Variants in TRAPPC9 observed in about 807,000 individuals in gnomAD.
TRAPPC9 encodes the protein IKK2 binding protein.
Under a neutral mutation model 124.0 loss-of-function variants are expected in TRAPPC9, and 83 were observed. The ratio of observed to expected loss-of-function variants is 0.67; its 90% CI spans 0.56 to 0.80. TRAPPC9 has a LOEUF of 0.80. Ranked by LOEUF, TRAPPC9 falls within the 30% of genes least tolerant of loss-of-function variation. The pLI is 0.00. For missense variants in TRAPPC9, 1,302 were observed against 1,508.3 expected (o/e 0.86, Z 2.27); for synonymous variants, 638 against 617.5 (o/e 1.03, Z -0.49).
intron 9 of TRAPPC9, among the ~76,000 whole-genome samples, chr8:140,332,916 C>T (rs935586097): frequency 6.6e-6 from 1 of 152,064 alleles, no homozygotes; most frequent in African/African-American, 2.4e-5. Context: ...GGGAGGATCA[C>T]GAGTTCAAGA....
intron 19 of TRAPPC9, among the ~76,000 whole-genome samples, chr8:139,973,615 C>T (rs567672618): frequency 3.2e-4 from 49 of 152,330 alleles, no homozygotes; most frequent in Admixed American, 5.9e-4. Context: ...AATTGGAAAA[C>T]GACGAATGAA....
rs138665808 is a variant in TRAPPC9 at position 140,135,588 on chromosome 8, T to A, written c.2556+85871A>T. 1.9e-3 allele frequency among the ~76,000 whole-genome samples: 286 copies of A among 152,072 alleles called. 1 individual carries two copies. The highest frequency in any genetic ancestry group is 6.5e-3 in the African/African-American group (271 of 41,458). ...TACTGAATCATCTAGAATAGGCAAATCCATAGAGACAGAAAGTAGATTAGA... is the reference window on the plus strand; with the variant it reads ...TACTGAATCATCTAGAATAGGCAAAACCATAGAGACAGAAAGTAGATTAGA... On this transcript the variant is annotated intron_variant, in intron 17 of 22. Transcript: ENST00000438773.
intron 7 of TRAPPC9, among the ~76,000 whole-genome samples, chr8:140,388,195 G>A (rs1341600728): frequency 2.7e-5 from 4 of 145,788 alleles, no homozygotes; most frequent in African/African-American, 7.8e-5. Flanking sequence ...GACACAGGAA[G>A]GGGAACATCA....
At chr8:139,986,416 A>G (rs1837242811) in intron 19 of TRAPPC9, among the ~76,000 whole-genome samples, 1 of 152,226 alleles carries the variant, frequency 6.6e-6, no homozygotes, top group Admixed American at 6.5e-5. Flanking sequence ...AGGTGGGCAG[A>G]AAAGAAGAGC....
At chr8:140,077,869 A>G (rs1415914720) in intron 17 of TRAPPC9, among the ~76,000 whole-genome samples, 2 of 152,166 alleles carry the variant, frequency 1.3e-5, no homozygotes, top group Non-Finnish European at 2.9e-5. Flanking sequence ...GGAGATGGAA[A>G]AGGCTGCGTG....
At chr8:140,124,629 A>C (rs1157367457) in intron 17 of TRAPPC9, among the ~76,000 whole-genome samples, 1 of 152,046 alleles carries the variant, frequency 6.6e-6, no homozygotes, top group African/African-American at 2.4e-5. Context: ...GCAAATCACA[A>C]ACCCAAGCCT....
chr8:140,300,795 A>G lies in TRAPPC9; in HGVS notation c.1623-181T>C, dbSNP rs539340532. 2.0e-5 allele frequency among the ~76,000 whole-genome samples: 3 copies of G among 152,366 alleles called. No individual in the cohort carries two copies. In the East Asian group the frequency reaches 5.8e-4, roughly 29 times the overall value. On this transcript the variant is annotated intron_variant, in intron 10 of 22. Coordinates refer to ENST00000438773, the MANE Select transcript of TRAPPC9 (RefSeq NM_001160372.4). The stretch of plus-strand genomic sequence containing the variant: ...AAGGAAGTGTTGCAACAGTAACTCA[A>G]GATTCTCCCAGACAGGGGAAATCAC...
chr8:140,145,150 A>G (rs989090122), intron 17 of TRAPPC9, among the ~76,000 whole-genome samples: 5 of 152,150 alleles, frequency 3.3e-5, no homozygotes, highest in Admixed American at 3.3e-4. Flanking sequence ...TGCTGGGATT[A>G]CAGGCATAAG....
chr8:140,147,528 G>A (rs1272218976), intron 17 of TRAPPC9, among the ~76,000 whole-genome samples: 1 of 152,182 alleles, frequency 6.6e-6, no homozygotes, highest in East Asian at 1.9e-4. Context: ...TTTCTCATAA[G>A]TAGCCATAAT....
Position 139,736,153 on chromosome 8 carries a change from C to T in TRAPPC9, c.3056-3951G>A, listed in dbSNP as rs145760228. Among the ~76,000 whole-genome samples, 250 of 152,306 alleles carry T rather than the reference C, an allele frequency of 1.6e-3. 1 individual carries two copies. The highest frequency in any genetic ancestry group is 5.6e-3 in the African/African-American group (231 of 41,572). On this transcript the variant is annotated intron_variant, in intron 21 of 22. Coordinates refer to ENST00000438773, the MANE Select transcript of TRAPPC9 (RefSeq NM_001160372.4). ...ACCCAGCCAGAGCGAGCACTCCTGC[C>T]ACAGGCTCTCCTGTGTGGCCAGCAT...
At chr8:139,936,666 G>T (rs906502518) in intron 19 of TRAPPC9, among the ~76,000 whole-genome samples, 1 of 152,054 alleles carries the variant, frequency 6.6e-6, no homozygotes, top group Non-Finnish European at 1.5e-5. Context: ...GAGAATGGGG[G>T]AGCGGGCACC....
At chr8:140,144,959 T>C (rs371820556) in intron 17 of TRAPPC9, among the ~76,000 whole-genome samples, 9 of 151,994 alleles carry the variant, frequency 5.9e-5, no homozygotes, top group African/African-American at 1.9e-4. Flanking sequence ...CTGCAACCTC[T>C]GCCTCACGGG....
intron 19 of TRAPPC9, among the ~76,000 whole-genome samples, chr8:139,965,180 T>G (rs1412631650): frequency 6.6e-6 from 1 of 152,226 alleles, no homozygotes; most frequent in Non-Finnish European, 1.5e-5. Context: ...CCCATTCATC[T>G]GCAGGCCCTC....
intron 9 of TRAPPC9, among the ~76,000 whole-genome samples, chr8:140,343,548 C>T (rs1019164270): frequency 6.6e-6 from 1 of 152,204 alleles, no homozygotes; most frequent in African/African-American, 2.4e-5. Context: ...TGACTCTGCA[C>T]ATTTCACTTC....
intron 17 of TRAPPC9, among the ~76,000 whole-genome samples, chr8:140,210,674 C>T (rs2063037926): frequency 6.6e-6 from 1 of 152,170 alleles, no homozygotes; most frequent in Admixed American, 6.5e-5. Context: ...ATGATGAAGG[C>T]ACTGCCTGTC....
At chr8:140,381,868 T>C (rs1307543794) in intron 7 of TRAPPC9, among the ~76,000 whole-genome samples, 2 of 152,106 alleles carry the variant, frequency 1.3e-5, no homozygotes, top group Non-Finnish European at 2.9e-5. Context: ...AAATGTAAAA[T>C]GGTGCAGCTG....
intron 21 of TRAPPC9, among the ~76,000 whole-genome samples, chr8:139,844,588 ACT>A (rs1826948282): frequency 6.6e-6 from 1 of 152,124 alleles, no homozygotes; most frequent in Non-Finnish European, 1.5e-5. Context: ...CAAACCACAG[ACT>A]CTAAATTTTA....
chr8:140,434,538 G>C (rs1329902550), intron 4 of TRAPPC9, among the ~76,000 whole-genome samples: 1 of 152,114 alleles, frequency 6.6e-6, no homozygotes, highest in Non-Finnish European at 1.5e-5. Context: ...TTATAAAAAA[G>C]ACTTAGACAC....
At chr8:140,207,534 T>A (rs1420432201) in intron 17 of TRAPPC9, among the ~76,000 whole-genome samples, 1 of 152,242 alleles carries the variant, frequency 6.6e-6, no homozygotes, top group Admixed American at 6.5e-5. Flanking sequence ...TGTCTGGTTT[T>A]TTTCCTACTG....
Sources: allele counts gnomAD v4.1 joint callset (sites outside exome capture counted in the v4.1 genomes callset), GRCh38; gene constraint gnomAD v4.1.1; transcripts MANE v1.5; gene names NCBI Gene and HGNC (gene_info 2026-07-23, HGNC 2026-07-21).